VPS13C: variants seen among roughly 807,000 people sequenced by gnomAD.
The protein encoded by VPS13C is vacuolar protein sorting 13 homolog C, also known as intermembrane lipid transfer protein VPS13C.
In VPS13C, 358 loss-of-function variants were observed where a neutral mutation model predicts 456.8. That is an observed-to-expected ratio of 0.78 (90% CI 0.72 to 0.86). The LOEUF (loss-of-function observed/expected upper bound fraction) is 0.86, where lower values mean the gene tolerates loss of function less well. Ranked by LOEUF, VPS13C falls within the 40% of genes least tolerant of loss-of-function variation. The probability of loss-of-function intolerance (pLI) is 0.00; values close to 1 mark genes in which losing one functional copy is unlikely to be tolerated. For synonymous variants in VPS13C, 1,578 were observed against 1,486.7 expected (o/e 1.06, Z -1.41); for missense variants, 4,818 against 4,385.4 (o/e 1.10, Z -2.79).
At chr15:62,025,103 A>C (rs951013164) in intron 6 of VPS13C, among the ~76,000 whole-genome samples, 4 of 152,214 alleles carry the variant, frequency 2.6e-5, no homozygotes, top group African/African-American at 9.6e-5. Context: ...ATAATCCTAC[A>C]CCTGGGCACA....
At position 61,969,379 on chromosome 15, in the gene VPS13C, G is replaced by A; in HGVS notation, c.2831C>T (p.Thr944Ile). 1 of 1,598,546 alleles carries A rather than the reference G, an allele frequency of 6.3e-7. No individual in the cohort carries two copies. The highest frequency in any genetic ancestry group is 1.1e-5 in the South Asian group (1 of 87,806). The change falls in exon 28 of 85, where the codon ACA (threonine) becomes ATA (isoleucine). Residue 944 changes from threonine to isoleucine, a missense_variant. Thr to Ile is a moderately conservative substitution (Grantham distance 89). This residue lies in a region of VPS13C where 4,552 missense variants were observed against 4,130.6 expected (regional missense o/e 1.10). Coordinates refer to ENST00000644861, the MANE Select transcript of VPS13C (RefSeq NM_020821.3). ...ILVFNVTQLG[T>I]EATMRTFDLT... is the part of the protein sequence containing the mutation. ...GTCAAATGTTCTCATTGTGGCCTCT[G>A]TTCCTAACTGAGTAACATTAAATAC...
intron 82 of VPS13C, among the ~76,000 whole-genome samples, chr15:61,862,009 A>G (rs1176280821): frequency 6.6e-6 from 1 of 152,206 alleles, no homozygotes; most frequent in Non-Finnish European, 1.5e-5. Context: ...CTGAGGCACG[A>G]GAATCACTTG....
chr15:61,856,265 A>G (rs1310836213), intron 83 of VPS13C, 21 bp downstream of exon 83: 1 of 1,612,146 alleles, frequency 6.2e-7, no homozygotes, highest in Admixed American at 1.7e-5. Context: ...TTAGCTCTAA[A>G]GGTGTGACAT....
In VPS13C at chr15:62,013,920, T is replaced by A; in HGVS notation, c.744+13A>T. ...CTAGGAAACTAACAAAAATTTTTAT[T>A]CCAACATAATACCTTGTATATAATT... On this transcript the variant is annotated intron_variant, in intron 10 of 84. Transcript: ENST00000644861. 2 of 1,587,122 alleles carry A rather than the reference T, an allele frequency of 1.3e-6. No homozygotes were observed. The highest frequency in any genetic ancestry group is 1.7e-6 in the Non-Finnish European group (2 of 1,164,796).
intron 10 of VPS13C, 35 bp from the exon 11 acceptor site, chr15:62,013,154 A>T (rs765290270): frequency 6.8e-7 from 1 of 1,471,252 alleles, no homozygotes; most frequent in Admixed American, 1.9e-5. Context: ...CAGGCAATCA[A>T]CACACTGAAA....
chr15:62,025,455 C>G (rs1222274900), intron 6 of VPS13C, among the ~76,000 whole-genome samples: 3 of 151,996 alleles, frequency 2.0e-5, no homozygotes, highest in African/African-American at 7.2e-5. Context: ...CAAAGAAATA[C>G]CATTTGAAAA....
At chr15:61,947,511 A>C (rs2044647393) in intron 42 of VPS13C, among the ~76,000 whole-genome samples, 1 of 152,132 alleles carries the variant, frequency 6.6e-6, no homozygotes, top group Non-Finnish European at 1.5e-5. Flanking sequence ...TCCCCTTCAA[A>C]TTAAGAATAA....
At chr15:61,864,102 T>G (rs1249580118) in intron 81 of VPS13C, 1 of 168,276 alleles carries the variant, frequency 5.9e-6, no homozygotes, top group Non-Finnish European at 1.2e-5. Context: ...ATAATAAAAT[T>G]CCAAGATAAT....
chr15:62,005,304 T>C (rs1334702536), intron 15 of VPS13C, among the ~76,000 whole-genome samples: 2 of 152,212 alleles, frequency 1.3e-5, no homozygotes, highest in African/African-American at 4.8e-5. Flanking sequence ...TCTTTGTTGG[T>C]TTAAAGTCTG....
rs2043567907 is a variant in VPS13C at position 61,919,205 on chromosome 15, T to A, written c.7638+84A>T. ...AATAATCAGAATTGACCTGATGAAG[T>A]TTTACTGTATTCCTATATTCAGCTA... On this transcript the variant is annotated intron_variant, in intron 58 of 84. Coordinates refer to ENST00000644861, the MANE Select transcript of VPS13C (RefSeq NM_020821.3). 3 of 1,355,064 alleles carry A rather than the reference T, an allele frequency of 2.2e-6. No homozygotes were observed. The South Asian group carries it at 4.4e-5, about 20-fold the overall frequency. 83.9% of individuals were successfully genotyped at this position (1,355,064 alleles called of 1,614,324 possible). A position where few individuals can be genotyped will look rare whatever the true frequency, so the allele number is the denominator to read the frequency against.
chr15:61,976,169 T>G (rs571346369), intron 24 of VPS13C, among the ~76,000 whole-genome samples: 1 of 152,146 alleles, frequency 6.6e-6, no homozygotes, highest in African/African-American at 2.4e-5. Context: ...ATTTTTGGTC[T>G]TTGGATTAGG....
chr15:61,996,953 T>C (rs995574064), intron 16 of VPS13C, among the ~76,000 whole-genome samples: 2 of 150,690 alleles, frequency 1.3e-5, no homozygotes, highest in Admixed American at 6.6e-5. Context: ...ATATATCTTA[T>C]ACATATGGCT....
At chr15:61,878,860 G>A in intron 73 of VPS13C, 114 bp from the exon 74 acceptor site, 1 of 1,120,790 alleles carries the variant, frequency 8.9e-7, no homozygotes, top group Non-Finnish European at 1.2e-6. Context: ...GAGTCCTAGT[G>A]AAAGCTATTA....
In VPS13C at chr15:61,878,715, C is replaced by A; in HGVS notation, c.10034G>T (p.Gly3345Val). Residue 3345 changes from glycine (G) to valine (V), a missense_variant, in exon 74 of 85, where the codon GGT becomes GTT. By Grantham distance (109) the Gly-to-Val change is moderately radical. Around this residue, in one of 3 missense-constraint regions of VPS13C, gnomAD observed 4,552 missense variants for 4,130.6 expected, o/e 1.10. Coordinates refer to ENST00000644861, the MANE Select transcript of VPS13C (RefSeq NM_020821.3). ...CTGTTTTTCTTTGTCTGATTCTTCA[C>A]CTCCGGAACCCAAAGACAAACTCAA... ...LHLSLSLGSG[G>V]EESDKEKQEM... 2 of 1,609,526 alleles carry A rather than the reference C, an allele frequency of 1.2e-6. No homozygotes were observed.
At chr15:62,046,039 G>C (rs1244227890) in intron 1 of VPS13C, among the ~76,000 whole-genome samples, 1 of 152,042 alleles carries the variant, frequency 6.6e-6, no homozygotes, top group Non-Finnish European at 1.5e-5. Flanking sequence ...TTATTTCTAT[G>C]TAATAAAGTT....
chr15:61,885,586 T>C (rs1219882610), intron 67 of VPS13C, among the ~76,000 whole-genome samples: 1 of 152,128 alleles, frequency 6.6e-6, no homozygotes, highest in Non-Finnish European at 1.5e-5. Context: ...CCACATGAAT[T>C]AATGAAGTTA....
chr15:61,884,803 A>C (rs1566968509), intron 67 of VPS13C, among the ~76,000 whole-genome samples: 1 of 152,142 alleles, frequency 6.6e-6, no homozygotes, highest in Non-Finnish European at 1.5e-5. Context: ...TAAAAATGCC[A>C]TTTCATACAG....
Position 61,962,551 on chromosome 15 carries a change from G to A in VPS13C, c.3436-13C>T. ...TTATTGACACAGCCTGAAAAACAGA[G>A]ACTTGAATGTACTCTATCCGGGAAG... On this transcript the variant is annotated splice_polypyrimidine_tract_variant and intron_variant, in intron 33 of 84. Transcript: ENST00000644861. 1 of 1,604,120 alleles carries A rather than the reference G, an allele frequency of 6.2e-7. No individual in the cohort carries two copies. Among genetic ancestry groups the A allele is most frequent in the Non-Finnish European group, 8.5e-7 (1 of 1,174,432 alleles).
chr15:61,927,170 ATC>A lies in VPS13C; in HGVS notation c.6435_6436del (p.Gln2145HisfsTer53). On this transcript the variant is annotated frameshift_variant, in exon 52 of 85. Transcript: ENST00000644861. LOFTEE classifies it high-confidence loss of function. ...CAGATCTCTCACAGAAGCTTCCATC[ATC>A]TGTTCGAGTTTGGATGTTGACAGAG... 1 of 1,614,144 alleles carries A rather than the reference ATC, an allele frequency of 6.2e-7. No individual in the cohort carries two copies. Among genetic ancestry groups the A allele is most frequent in the African/African-American group, 1.3e-5 (1 of 75,030 alleles).
Sources: allele counts gnomAD v4.1 joint callset (sites outside exome capture counted in the v4.1 genomes callset), GRCh38; gene constraint gnomAD v4.1.1; regional missense constraint gnomAD v4.1.1; transcripts MANE v1.5; gene names NCBI Gene and HGNC (gene_info 2026-07-23, HGNC 2026-07-21).